Variants in PRLR observed in about 807,000 individuals in gnomAD.
PRLR encodes hPRL receptor.
PRLR carries 13 observed loss-of-function variants against 40.2 expected under a neutral mutation model. The observed-to-expected ratio is 0.32, with a 90% CI of 0.21 to 0.51. PRLR has a LOEUF of 0.51. Among genes scored for constraint, PRLR ranks in the 20% least tolerant of loss-of-function variants. The probability of loss-of-function intolerance (pLI) is 0.97; values close to 1 mark genes in which losing one functional copy is unlikely to be tolerated. For synonymous variants in PRLR, 269 were observed against 278.7 expected (o/e 0.97, Z 0.35); for missense variants, 656 against 747.3 (o/e 0.88, Z 1.42).
intron 1 of PRLR, among the ~76,000 whole-genome samples, chr5:35,177,824 T>C (rs1478592720): frequency 1.3e-5 from 2 of 152,246 alleles, no homozygotes; most frequent in Non-Finnish European, 2.9e-5. Context: ...GATATATAGC[T>C]AGTAGTGGAA....
chr5:35,194,454 A>G (rs567561191), intron 1 of PRLR, among the ~76,000 whole-genome samples: 5 of 152,184 alleles, frequency 3.3e-5, no homozygotes, highest in Admixed American at 6.5e-5. Context: ...TCTTGCTTCT[A>G]TCTTGTCCTG....
Position 35,082,565 on chromosome 5 carries a change from A to C in PRLR, c.373+1905T>G, listed in dbSNP as rs115529009. Among the ~76,000 whole-genome samples, 942 of 152,312 alleles carry C rather than the reference A, an allele frequency of 6.2e-3. 9 individuals carry two copies. Among genetic ancestry groups the C allele is most frequent in the African/African-American group, 0.02 (822 of 41,566 alleles). ...GCTTGTGACAATCAAAAATGTCTCC[A>C]GTCATTGCCAAATATCCTGTGGGAA... On this transcript the variant is annotated intron_variant, in intron 5 of 9. Transcript: ENST00000618457.
At chr5:35,090,174 A>G (rs972019824) in intron 2 of PRLR, among the ~76,000 whole-genome samples, 2 of 152,168 alleles carry the variant, frequency 1.3e-5, no homozygotes, top group African/African-American at 4.8e-5. Context: ...AAGGTTCTGG[A>G]AGTCTTCTGG....
At chr5:35,184,733 AC>A (rs1304622498) in intron 1 of PRLR, among the ~76,000 whole-genome samples, 1 of 152,174 alleles carries the variant, frequency 6.6e-6, no homozygotes, top group African/African-American at 2.4e-5. Flanking sequence ...GCAGGGACTC[AC>A]CAAAGCTGTA....
intron 1 of PRLR, among the ~76,000 whole-genome samples, chr5:35,132,159 C>T (rs1277692443): frequency 6.6e-6 from 1 of 152,176 alleles, no homozygotes; most frequent in African/African-American, 2.4e-5. Flanking sequence ...TTGATTTCCA[C>T]TTACCAACCT....
At chr5:35,188,342 T>C (rs6897259) in intron 1 of PRLR, among the ~76,000 whole-genome samples, 84,680 of 152,120 alleles carry the variant, frequency 0.56, 24,236 homozygotes, top group South Asian at 0.63. Flanking sequence ...CAAACACTTT[T>C]ACACTCGTCA....
rs899366253 is a variant in PRLR at position 35,063,735 on chromosome 5, C to G, written c.*1354G>C. 1 of 152,146 alleles carries G rather than the reference C, an allele frequency of 6.6e-6. No homozygotes were observed. The highest frequency in any genetic ancestry group is 1.5e-5 in the Non-Finnish European group (1 of 68,010). 9.4% of individuals were successfully genotyped at this position (152,146 alleles called of 1,614,324 possible). On this transcript the variant is annotated 3_prime_UTR_variant, in exon 10 of 10. Transcript: ENST00000618457. ...CCAAGATTTCTCACAAAAGCAAAAC[C>G]TCTCTCTTTTAAACAGCTGTTAGAA...
At chr5:35,178,263 C>A (rs1253210023) in intron 1 of PRLR, among the ~76,000 whole-genome samples, 1 of 152,188 alleles carries the variant, frequency 6.6e-6, no homozygotes, top group Non-Finnish European at 1.5e-5. Flanking sequence ...AGTATTTCTA[C>A]ACACAGTAGA....
At chr5:35,164,646 A>G (rs887308156) in intron 1 of PRLR, among the ~76,000 whole-genome samples, 1 of 152,150 alleles carries the variant, frequency 6.6e-6, no homozygotes, top group African/African-American at 2.4e-5. Flanking sequence ...TTCTAAGTAC[A>G]CTGAAAAGCC....
Position 35,059,909 on chromosome 5 carries a change from C to T in PRLR, c.*5180G>A. 1 of 152,402 alleles carries T rather than the reference C, an allele frequency of 6.6e-6. No homozygotes were observed. Among genetic ancestry groups the T allele is most frequent in the Non-Finnish European group, 1.5e-5 (1 of 68,108 alleles). The allele number at this position is 152,402 out of a possible 1,614,324, so 9.4% of individuals were successfully genotyped here. On this transcript the variant is annotated 3_prime_UTR_variant, in exon 10 of 10. Coordinates refer to ENST00000618457, the MANE Select transcript of PRLR (RefSeq NM_000949.7). ...AGTGCAGTGACACAATCACGGTTCA[C>T]TGCAGCCTCGACCTCCTGGGCTCAA...
At chr5:35,101,981 C>T (rs1358130481) in intron 2 of PRLR, among the ~76,000 whole-genome samples, 1 of 151,866 alleles carries the variant, frequency 6.6e-6, no homozygotes, top group African/African-American at 2.4e-5. Context: ...GTGCGTGCCA[C>T]CATGCCCAGC....
intron 1 of PRLR, among the ~76,000 whole-genome samples, chr5:35,127,636 G>A (rs1012047567): frequency 5.3e-5 from 8 of 152,160 alleles, no homozygotes; most frequent in African/African-American, 1.9e-4. Context: ...ATATACAAAT[G>A]TGGTATAACC....
chr5:35,168,015 T>C (rs1168697674), intron 1 of PRLR, among the ~76,000 whole-genome samples: 2 of 151,748 alleles, frequency 1.3e-5, no homozygotes, highest in Non-Finnish European at 2.9e-5. Flanking sequence ...AATAAAGATA[T>C]GGGAAAAAAA....
At chr5:35,219,694 C>T (rs1410976983) in intron 1 of PRLR, among the ~76,000 whole-genome samples, 1 of 152,102 alleles carries the variant, frequency 6.6e-6, no homozygotes, top group Non-Finnish European at 1.5e-5. Context: ...ACAACAAAAG[C>T]CATCAGAATA....
chr5:35,226,212 C>T (rs573221422), intron 1 of PRLR, among the ~76,000 whole-genome samples: 4 of 152,312 alleles, frequency 2.6e-5, no homozygotes, highest in African/African-American at 9.6e-5. Context: ...TGATATTCTC[C>T]TTCTATCGGC....
At chr5:35,157,321 T>C (rs1028260784) in intron 1 of PRLR, among the ~76,000 whole-genome samples, 10 of 152,178 alleles carry the variant, frequency 6.6e-5, no homozygotes, top group African/African-American at 2.4e-4. Flanking sequence ...CAATATCCTC[T>C]TGACTTCCTA....
chr5:35,142,345 G>A (rs1345374422), intron 1 of PRLR, among the ~76,000 whole-genome samples: 2 of 152,150 alleles, frequency 1.3e-5, no homozygotes, highest in African/African-American at 4.8e-5. Flanking sequence ...ATCACCTGGC[G>A]ATTTTAGATG....
At chr5:35,182,389 A>G (rs140192609) in intron 1 of PRLR, among the ~76,000 whole-genome samples, 3 of 152,368 alleles carry the variant, frequency 2.0e-5, no homozygotes, top group Admixed American at 6.5e-5. Flanking sequence ...TGTTAGTGTT[A>G]TAAACAAGAG....
chr5:35,198,445 TG>T, intron 1 of PRLR, among the ~76,000 whole-genome samples: 1 of 152,232 alleles, frequency 6.6e-6, no homozygotes, highest in Non-Finnish European at 1.5e-5. Context: ...GGCAAGCTTC[TG>T]GGGATGCCTA....
Sources: gnomAD v4.1 joint callset for allele counts (sites outside exome capture counted in the v4.1 genomes callset) on GRCh38, gnomAD v4.1.1 for gene constraint, MANE v1.5 for transcripts, NCBI Gene and HGNC (gene_info 2026-07-23, HGNC 2026-07-21) for gene names.